Variants in ZNF804A observed in about 807,000 individuals in gnomAD.
ZNF804A encodes the protein zinc finger protein 804A.
In ZNF804A, 2 loss-of-function variants were observed where a neutral mutation model predicts 16.5. That is an observed-to-expected ratio of 0.12 (90% CI 0.05 to 0.38). ZNF804A has a LOEUF of 0.38. Ranked by LOEUF, ZNF804A falls within the 10% of genes least tolerant of loss-of-function variation. The probability of loss-of-function intolerance (pLI) is 0.99; values close to 1 mark genes in which losing one functional copy is unlikely to be tolerated. For synonymous variants in ZNF804A, 534 were observed against 489.6 expected, an observed-to-expected ratio of 1.09 and a Z score of -1.20; for missense variants, 1,473 against 1,390.7, an observed-to-expected ratio of 1.06 and a Z score of -0.94.
At chr2:184,904,803 T>C (rs1685244355) in intron 2 of ZNF804A, among the ~76,000 whole-genome samples, 1 of 152,084 alleles carries the variant, frequency 6.6e-6, no homozygotes, top group African/African-American at 2.4e-5. Flanking sequence ...TTATGAAATA[T>C]ACTATTATCC....
intron 1 of ZNF804A, among the ~76,000 whole-genome samples, chr2:184,716,064 G>T (rs1022419837): frequency 4.6e-5 from 7 of 152,128 alleles, no homozygotes; most frequent in Non-Finnish European, 8.8e-5. Flanking sequence ...TGTAAATAGT[G>T]AGTTGTGTTT....
At chr2:184,633,328 T>G (rs1372465488) in intron 1 of ZNF804A, among the ~76,000 whole-genome samples, 1 of 152,194 alleles carries the variant, frequency 6.6e-6, no homozygotes, top group Non-Finnish European at 1.5e-5. Context: ...CTTGCAAACA[T>G]TACTAGTCTC....
Position 184,933,762 on chromosome 2 carries a change from C to A in ZNF804A, c.386+29C>A, listed in dbSNP as rs759487662. ...AGTATCCAATGAAATTGTAAGTTTT[C>A]TTAAAACATGACCAAAAAAGGGGTA... On this transcript the variant is annotated intron_variant, in intron 3 of 3. Transcript: ENST00000302277. The A allele has an allele frequency of 6.9e-6, 11 of 1,585,300 alleles. No homozygotes were observed. In the African/African-American group the frequency reaches 1.5e-4, roughly 22 times the overall value.
Position 184,933,728 on chromosome 2 carries a change from T to C in ZNF804A, c.381T>C (p.Thr127=). ...LHKLAELRKE[T]VCAPGSGPMF... Reference sequence around the variant, plus strand: ...AGCTGGCTGAGCTAAGAAAGGAAACTGTATGGTGAGTATCCAATGAAATTG... The same window carrying C: ...AGCTGGCTGAGCTAAGAAAGGAAACCGTATGGTGAGTATCCAATGAAATTG... The change falls in exon 3 of 4, where the codon ACT becomes ACC. Residue 127 remains threonine (T), a synonymous_variant. Transcript: ENST00000302277. 1 of 1,600,350 alleles carries C rather than the reference T, an allele frequency of 6.2e-7. No individual in the cohort carries two copies. The highest frequency in any genetic ancestry group is 8.5e-7 in the Non-Finnish European group (1 of 1,176,198).
intron 1 of ZNF804A, among the ~76,000 whole-genome samples, chr2:184,638,380 A>G (rs1469117622): frequency 6.6e-6 from 1 of 152,176 alleles, no homozygotes; most frequent in East Asian, 1.9e-4. Flanking sequence ...TGCAACAGTC[A>G]TAGACAATTT....
At chr2:184,619,861 T>C (rs1691389382) in intron 1 of ZNF804A, among the ~76,000 whole-genome samples, 1 of 151,876 alleles carries the variant, frequency 6.6e-6, no homozygotes, top group Admixed American at 6.6e-5. Context: ...ATTATATAAT[T>C]CAAACTAAAT....
chr2:184,669,131 A>C (rs772727879), intron 1 of ZNF804A, among the ~76,000 whole-genome samples: 1 of 152,170 alleles, frequency 6.6e-6, no homozygotes, highest in South Asian at 2.1e-4. Flanking sequence ...ATTATGAGAC[A>C]GAAAATATAT....
At chr2:184,884,225 C>A (rs1017841721) in intron 2 of ZNF804A, among the ~76,000 whole-genome samples, 1 of 151,930 alleles carries the variant, frequency 6.6e-6, no homozygotes, top group African/African-American at 2.4e-5. Context: ...GTATAAAATA[C>A]CTAGGAATAT....
rs569435511 is a variant in ZNF804A at position 184,646,458 on chromosome 2, A to G, written c.111+47388A>G. On this transcript the variant is annotated intron_variant, in intron 1 of 3. Transcript: ENST00000302277. The stretch of plus-strand genomic sequence containing the variant: ...TGGTTTATGCCCAGGCAGAGCTCCA[A>G]GTATTCAGAGCATTTGCTCAACTGG... Among the ~76,000 whole-genome samples, 10 of 152,264 alleles carry G rather than the reference A, an allele frequency of 6.6e-5. No individual in the cohort carries two copies. In the South Asian group the frequency reaches 2.1e-3, roughly 32 times the overall value.
Position 184,937,139 on chromosome 2 carries a change from G to A in ZNF804A, c.1743G>A (p.Arg581=), listed in dbSNP as rs779084834. 75 of 1,603,966 alleles carry A rather than the reference G, an allele frequency of 4.7e-5. No homozygotes were observed. The Admixed American group carries it at 1.3e-3, about 27-fold the overall frequency. The part of the protein sequence containing the change: ...DTLDEKYNKI[R]LKETHEYWFH... Reference sequence around the variant, plus strand: ...TAGATGAAAAATACAACAAAATAAGGTTGAAAGAGACCCATGAATACTGGT... The same window carrying A: ...TAGATGAAAAATACAACAAAATAAGATTGAAAGAGACCCATGAATACTGGT... The change falls in exon 4 of 4, where the codon AGG becomes AGA. Residue 581 remains arginine (R), a synonymous_variant. Coordinates refer to ENST00000302277, the MANE Select transcript of ZNF804A (RefSeq NM_194250.2).
chr2:184,626,942 G>A (rs1278190596), intron 1 of ZNF804A, among the ~76,000 whole-genome samples: 2 of 152,048 alleles, frequency 1.3e-5, no homozygotes, highest in East Asian at 1.9e-4. Flanking sequence ...GAGAATTAAT[G>A]CCCACTAAAA....
chr2:184,842,441 G>C (rs749381045), intron 1 of ZNF804A, among the ~76,000 whole-genome samples: 29 of 151,800 alleles, frequency 1.9e-4, no homozygotes, highest in Non-Finnish European at 3.7e-4. Context: ...AATTCACAAA[G>C]CTAGAAGTTT....
chr2:184,880,687 T>G (rs957263797), intron 2 of ZNF804A, among the ~76,000 whole-genome samples: 1 of 152,012 alleles, frequency 6.6e-6, no homozygotes, highest in Non-Finnish European at 1.5e-5. Context: ...GGATAGAAAT[T>G]TATTGGCTGA....
intron 1 of ZNF804A, among the ~76,000 whole-genome samples, chr2:184,751,041 G>T (rs1211720125): frequency 6.6e-6 from 1 of 151,442 alleles, no homozygotes; most frequent in Admixed American, 6.6e-5. Context: ...ATACTGTATT[G>T]TCAGAATATA....
rs146636174 is a variant in ZNF804A at position 184,856,828 on chromosome 2, C to T, written c.112-9541C>T. 3.3e-3 allele frequency among the ~76,000 whole-genome samples: 501 copies of T among 152,180 alleles called. 5 individuals are homozygous for T. The highest frequency in any genetic ancestry group is 0.012 in the African/African-American group (478 of 41,544). ...CATCCCCAAGATATCTCATTATGTA[C>T]ATGCACATATTCCAAAATCTGAAAA... On this transcript the variant is annotated intron_variant, in intron 1 of 3. Coordinates refer to ENST00000302277, the MANE Select transcript of ZNF804A (RefSeq NM_194250.2).
rs533951206 is a variant in ZNF804A at position 184,928,331 on chromosome 2, G to C, written c.256-5272G>C. 2.6e-5 allele frequency among the ~76,000 whole-genome samples: 4 copies of C among 152,110 alleles called. No homozygotes were observed. The South Asian group carries it at 8.3e-4, about 32-fold the overall frequency. ...AATTCTGACTGGTACTCTTTCCTGC[G>C]GTGAGTGAGATGGTATCTTAAGATG... On this transcript the variant is annotated intron_variant, in intron 2 of 3. Transcript: ENST00000302277.
chr2:184,852,842 A>G (rs565179679), intron 1 of ZNF804A, among the ~76,000 whole-genome samples: 7 of 151,774 alleles, frequency 4.6e-5, no homozygotes, highest in Admixed American at 6.6e-5. Context: ...GTTGGTTGCT[A>G]TATCTTTGTG....
chr2:184,713,889 G>C (rs539366554), intron 1 of ZNF804A, among the ~76,000 whole-genome samples: 3 of 151,896 alleles, frequency 2.0e-5, no homozygotes, highest in Non-Finnish European at 4.4e-5. Context: ...TTCATATTTG[G>C]TTTGTTGCAT....
rs1433889763 is a variant in ZNF804A, at chr2:184,938,303, T to C, written c.2907T>C (p.Tyr969=). The C allele has an allele frequency of 6.2e-7, 1 of 1,614,042 alleles. No individual in the cohort carries two copies. The highest frequency in any genetic ancestry group is 8.5e-7 in the Non-Finnish European group (1 of 1,180,030). The change falls in exon 4 of 4, where the codon TAT becomes TAC. Residue 969 remains tyrosine, a synonymous_variant. Coordinates refer to ENST00000302277, the MANE Select transcript of ZNF804A (RefSeq NM_194250.2). The part of the protein sequence containing the change: ...RNFRQSQPKS[Y]LCHYELAEAL... ...TTAGACAGTCACAGCCTAAATCCTA[T>C]CTTTGCCATTATGAACTGGCTGAGG... is the stretch of plus-strand genomic sequence containing the variant.
Sources: allele counts gnomAD v4.1 joint callset (sites outside exome capture counted in the v4.1 genomes callset), GRCh38; gene constraint gnomAD v4.1.1; transcripts MANE v1.5; gene names NCBI Gene and HGNC (gene_info 2026-07-23, HGNC 2026-07-21).